The following GLMP variants were observed in gnomAD, a reference collection of about 807,000 sequenced individuals.
GLMP encodes glycosylated lysosomal membrane protein, also known as kidney lysosomal membrane protein.
Under a neutral mutation model 39.2 loss-of-function variants are expected in GLMP, and 36 were observed. The observed-to-expected ratio is 0.92, with a 90% CI of 0.70 to 1.21. The LOEUF is 1.21. Among genes scored for constraint, GLMP ranks in the 50% most tolerant of loss-of-function variants. The probability of loss-of-function intolerance (pLI) is 0.00; values close to 1 mark genes in which losing one functional copy is unlikely to be tolerated. For missense variants in GLMP, 454 were observed against 505.6 expected (o/e 0.90, Z 0.98); for synonymous variants, 220 against 218.9 (o/e 1.01, Z -0.04).
In GLMP at chr1:156,294,209, G is replaced by A. The variant is rs10908496; in HGVS notation, c.607C>T (p.Pro203Ser). The A allele has an allele frequency of 0.28, 445,409 of 1,613,524 alleles. 63,671 individuals carry two copies. Among genetic ancestry groups the A allele is most frequent in the Non-Finnish European group, 0.29 (343,418 of 1,179,548 alleles). The change falls in exon 4 of 6, where the codon CCA (proline) becomes TCA (serine). Residue 203 changes from proline (P) to serine (S), a missense_variant. Coordinates refer to ENST00000362007, the MANE Select transcript of GLMP (RefSeq NM_144580.3). Reference sequence around the variant, plus strand: ...TGCAGGAGGCGAGGGGGTTGGGCTGGTCGGCTGGACCTGGAAAAGGCCTGG... The same window carrying A: ...TGCAGGAGGCGAGGGGGTTGGGCTGATCGGCTGGACCTGGAAAAGGCCTGG... Reference protein sequence around the residue: ...RVQAFSRSSRPAQPPRLLHTA... With the variant: ...RVQAFSRSSRSAQPPRLLHTA...
chr1:156,295,314 A>G (rs2101608774), intron 1 of GLMP: 1 of 1,360,604 alleles, frequency 7.3e-7, no homozygotes, highest in Non-Finnish European at 9.4e-7. Flanking sequence ...TGGGTCACCC[A>G]GGGCTGAGTC....
chr1:156,293,652 C>T (rs1474025463), intron 4 of GLMP, 76 bp from the exon 5 acceptor site: 2 of 1,589,966 alleles, frequency 1.3e-6, no homozygotes, highest in African/African-American at 1.3e-5. Flanking sequence ...CCACTCCCAG[C>T]CTTATTCTGT....
chr1:156,295,384 A>AC, intron 1 of GLMP, 142 bp downstream of exon 1: 1 of 1,410,104 alleles, frequency 7.1e-7, no homozygotes, highest in Non-Finnish European at 9.2e-7. Flanking sequence ...ATGACCCATG[A>AC]CCATCTCCCA....
Position 156,293,574 on chromosome 1 carries a change from C to T in GLMP, c.801G>A (p.Leu267=), listed in dbSNP as rs1572614145. 1 of 1,614,040 alleles carries T rather than the reference C, an allele frequency of 6.2e-7. No individual in the cohort carries two copies. ...DDEYAPAVFQ[L]DQLLWGSLPS... is the part of the protein sequence containing the mutation. ...GGAGGGAGCCCCACAGTAGCTGGTC[C>T]AACTGGGAAGAAAGGCAAACAAGGG... The change falls in exon 5 of 6, where the codon TTG becomes TTA. Residue 267 remains leucine (L), a splice_region_variant and synonymous_variant. Transcript: ENST00000362007.
intron 2 of GLMP, 84 bp downstream of exon 2, chr1:156,294,675 C>T (rs780660881): frequency 7.6e-6 from 12 of 1,571,676 alleles, no homozygotes; most frequent in Non-Finnish European, 1.0e-5. Flanking sequence ...ATTTCACCCA[C>T]CCCCAGTCTT....
chr1:156,293,081 TGCAGCAGCAGA>T lies in GLMP; in HGVS notation c.1173_1183del (p.Leu392ProfsTer23). On this transcript the variant is annotated frameshift_variant, in exon 6 of 6. Coordinates refer to ENST00000362007, the MANE Select transcript of GLMP (RefSeq NM_144580.3). LOFTEE classifies it high-confidence loss of function. ...CTGGTACTCTGAGTACTTCTTGTGG[TGCAGCAGCAGA>T]ACCAAGCCGCCCCCTAGCAGCATGA... 6.2e-7 allele frequency: 1 copy of T among 1,614,032 alleles called. No homozygotes were observed.
Position 156,295,513 on chromosome 1 carries a change from C to G in GLMP, c.120+13G>C. On this transcript the variant is annotated intron_variant, in intron 1 of 5. Coordinates refer to ENST00000362007, the MANE Select transcript of GLMP (RefSeq NM_144580.3). ...TCCTGAAACTTCTATCGCTGTAGCC[C>G]CAGGGCCCTCACCTGGCGGGTCTTC... 1 of 1,498,322 alleles carries G rather than the reference C, an allele frequency of 6.7e-7. No individual in the cohort carries two copies. Among genetic ancestry groups the G allele is most frequent in the Admixed American group, 2.5e-5 (1 of 39,616 alleles). 92.8% of individuals were successfully genotyped at this position (1,498,322 alleles called of 1,614,324 possible).
rs1663503052 is a variant in GLMP, at chr1:156,294,232, TG to T, written c.583del (p.Gln195ArgfsTer24). The stretch of plus-strand genomic sequence containing the variant: ...TGGTCGGCTGGACCTGGAAAAGGCC[TG>T]GACCTAGGAAGGAAGAAGCATGGGA... ...FANGSLAFRV[Q>X]AFSRSSRPAQ... On this transcript the variant is annotated frameshift_variant, in exon 4 of 6. Transcript: ENST00000362007. LOFTEE classifies it high-confidence loss of function. 1.2e-6 allele frequency: 2 copies of T among 1,613,548 alleles called. No individual in the cohort carries two copies. The highest frequency in any genetic ancestry group is 2.7e-5 in the African/African-American group (2 of 74,928).
chr1:156,295,152 G>C, intron 1 of GLMP, 136 bp from the exon 2 acceptor site: 1 of 960,538 alleles, frequency 1.0e-6, no homozygotes. Flanking sequence ...AGAGGAATGT[G>C]TGCGGGAGCT....
Position 156,293,396 on chromosome 1 carries a change from T to C in GLMP, c.979A>G (p.Asn327Asp). Residue 327 changes from asparagine to aspartate, a missense_variant, in exon 5 of 6, where the codon AAT becomes GAT. Asn to Asp is a conservative substitution (Grantham distance 23). Transcript: ENST00000362007. ...GTCAGATTGAAGGCACAGAAGTTAT[T>C]CTGGGACCCAAAGAAGGCTCGGACA... is the stretch of plus-strand genomic sequence containing the variant. ...PIVRAFFGSQ[N>D]NFCAFNLTFG... The C allele has an allele frequency of 6.2e-7, 1 of 1,614,166 alleles. No individual in the cohort carries two copies. The highest frequency in any genetic ancestry group is 8.5e-7 in the Non-Finnish European group (1 of 1,180,036).
intron 1 of GLMP, 60 bp from the exon 2 acceptor site, chr1:156,295,076 G>A: frequency 7.6e-7 from 1 of 1,310,056 alleles, no homozygotes; most frequent in Non-Finnish European, 1.0e-6. Context: ...ACAGGCAAAA[G>A]AGAAGCTTGA....
At chr1:156,293,756 C>T in intron 4 of GLMP, 180 bp from the exon 5 acceptor site, 1 of 1,532,662 alleles carries the variant, frequency 6.5e-7, no homozygotes, top group Non-Finnish European at 8.8e-7. Flanking sequence ...AGTTGTTTTC[C>T]AAACCTCCAA....
At chr1:156,293,741 G>T in intron 4 of GLMP, 165 bp from the exon 5 acceptor site, 1 of 1,545,236 alleles carries the variant, frequency 6.5e-7, no homozygotes. Flanking sequence ...ACTGGGTGAG[G>T]ACTGAGTTGT....
At chr1:156,293,279 C>T (rs1184752088) in intron 5 of GLMP, 41 bp downstream of exon 5, 1 of 1,612,776 alleles carries the variant, frequency 6.2e-7, no homozygotes. Flanking sequence ...CCTTTGTCCA[C>T]TTCAACTCCC....
Position 156,294,947 on chromosome 1 carries a change from T to G in GLMP, c.190A>C (p.Thr64Pro). The change falls in exon 2 of 6, where the codon ACC becomes CCC. Residue 64 changes from threonine (T) to proline (P), a missense_variant. By Grantham distance (38) the Thr-to-Pro change is conservative (BLOSUM62 -1). Transcript: ENST00000362007. Reference sequence around the variant, plus strand: ...CACACATAGTGCAGTGTGGAATTGGTGCCCACTGCCCGTATATGAAGCAGG... The same window carrying G: ...CACACATAGTGCAGTGTGGAATTGGGGCCCACTGCCCGTATATGAAGCAGG... ...QNLLHIRAVG[T>P]NSTLHYVWSS... 6.2e-7 allele frequency: 1 copy of G among 1,602,428 alleles called. No homozygotes were observed. The highest frequency in any genetic ancestry group is 8.5e-7 in the Non-Finnish European group (1 of 1,171,556).
chr1:156,295,370 T>TCCCATGA (rs1465112482), intron 1 of GLMP, 156 bp downstream of exon 1: 3 of 1,400,004 alleles, frequency 2.1e-6, no homozygotes, highest in African/African-American at 3.0e-5. Flanking sequence ...CACAATCCCG[T>TCCCATGA]CCCATGACCC....
rs1663394927 is a variant in GLMP, at chr1:156,292,812, A to G, written c.*232T>C. On this transcript the variant is annotated 3_prime_UTR_variant, in exon 6 of 6. Coordinates refer to ENST00000362007, the MANE Select transcript of GLMP (RefSeq NM_144580.3). ...TGTGGAGATGCAAGAAGGCAACACCAAGGGGACCTTATCAATAGCCCTGTC... is the reference window on the plus strand; with the variant it reads ...TGTGGAGATGCAAGAAGGCAACACCGAGGGGACCTTATCAATAGCCCTGTC... The G allele has an allele frequency of 7.8e-6, 4 of 509,890 alleles. No individual in the cohort carries two copies. The highest frequency in any genetic ancestry group is 3.9e-5 in the African/African-American group (2 of 51,312). 31.6% of individuals were successfully genotyped at this position (509,890 alleles called of 1,614,324 possible). A position where few individuals can be genotyped will look rare whatever the true frequency, so the allele number is the denominator to read the frequency against.
At position 156,295,029 on chromosome 1, in the gene GLMP, G is replaced by A. The variant is rs374431559; in HGVS notation, c.121-13C>T. The A allele has an allele frequency of 4.8e-5, 73 of 1,526,404 alleles. No homozygotes were observed. Among genetic ancestry groups the A allele is most frequent in the Non-Finnish European group, 4.0e-5 (45 of 1,126,906 alleles). 94.6% of individuals were successfully genotyped at this position (1,526,404 alleles called of 1,614,324 possible). A position where few individuals can be genotyped will look rare whatever the true frequency, so the allele number is the denominator to read the frequency against. ...CCTCCAGAGACACCTGGAACATGGA[G>A]TAGTGGAGGGTTGAGGGAACAGGAC... On this transcript the variant is annotated splice_polypyrimidine_tract_variant and intron_variant, in intron 1 of 5. Transcript: ENST00000362007.
In GLMP at chr1:156,295,666, G is replaced by C. The variant is rs955682069; in HGVS notation, c.-21C>G. On this transcript the variant is annotated 5_prime_UTR_variant, in exon 1 of 6. Transcript: ENST00000362007. ...CGCATACGGCCGCAATTCAGCCGAC[G>C]GAAGAGGTGCCAGAGGGTCACATGA... 6.5e-7 allele frequency: 1 copy of C among 1,540,992 alleles called. No homozygotes were observed. Among genetic ancestry groups the C allele is most frequent in the African/African-American group, 1.4e-5 (1 of 72,840 alleles).
Sources: gnomAD v4.1 joint callset for allele counts on GRCh38, gnomAD v4.1.1 for gene constraint, MANE v1.5 for transcripts, NCBI Gene and HGNC (gene_info 2026-07-23, HGNC 2026-07-21) for gene names.